METTL15: variants seen among roughly 807,000 people sequenced by gnomAD.
METTL15 encodes the protein methyltransferase 15, mitochondrial 12S rRNA N4-cytidine, also known as 12S rRNA N(4)-cytidine methyltransferase METTL15.
In METTL15, 34 loss-of-function variants were observed where a neutral mutation model predicts 38.3. The observed-to-expected ratio is 0.89, with a 90% CI of 0.68 to 1.18. METTL15 has a LOEUF of 1.18. Among genes scored for constraint, METTL15 ranks in the 50% most tolerant of loss-of-function variants. The pLI is 0.00. For synonymous variants in METTL15, 162 were observed against 170.9 expected, an observed-to-expected ratio of 0.95 and a Z score of 0.41; for missense variants, 438 against 498.4, an observed-to-expected ratio of 0.88 and a Z score of 1.15.
chr11:28,223,908 C>G (rs1397946868), intron 4 of METTL15, among the ~76,000 whole-genome samples: 1 of 151,974 alleles, frequency 6.6e-6, no homozygotes, highest in African/African-American at 2.4e-5. Context: ...TTTTAAAAAT[C>G]AAAGTTTTTT....
At chr11:28,305,212 A>G (rs916928694) in intron 6 of METTL15, among the ~76,000 whole-genome samples, 2 of 152,142 alleles carry the variant, frequency 1.3e-5, no homozygotes, top group Non-Finnish European at 1.5e-5. Flanking sequence ...TGGAATGTGG[A>G]AAAAAAGAAA....
intron 3 of METTL15, among the ~76,000 whole-genome samples, chr11:28,122,818 T>A (rs1260029744): frequency 6.6e-6 from 1 of 152,028 alleles, no homozygotes; most frequent in Non-Finnish European, 1.5e-5. Flanking sequence ...ACTTATTCAA[T>A]TATTTTTCCT....
chr11:28,153,970 C>G (rs888988175), intron 3 of METTL15, among the ~76,000 whole-genome samples: 1 of 152,110 alleles, frequency 6.6e-6, no homozygotes, highest in Non-Finnish European at 1.5e-5. Flanking sequence ...TATAAATTGA[C>G]TCATTTACAT....
chr11:28,500,251 G>A (rs1407566292), intron 6 of METTL15, among the ~76,000 whole-genome samples: 3 of 152,148 alleles, frequency 2.0e-5, no homozygotes, highest in Non-Finnish European at 4.4e-5. Context: ...TCTGATCTTG[G>A]TTTCAAGAGT....
At chr11:28,496,960 C>T (rs1176717348) in intron 6 of METTL15, among the ~76,000 whole-genome samples, 1 of 152,190 alleles carries the variant, frequency 6.6e-6, no homozygotes, top group Non-Finnish European at 1.5e-5. Flanking sequence ...TCAAGGGAGC[C>T]AGTGCCAGGC....
intron 3 of METTL15, among the ~76,000 whole-genome samples, chr11:28,177,591 A>G (rs998320964): frequency 2.6e-5 from 4 of 152,002 alleles, no homozygotes; most frequent in Admixed American, 2.0e-4. Context: ...AAATCAGAAT[A>G]TAGAACTCTG....
chr11:28,466,008 A>G (rs1564939144), intron 6 of METTL15, among the ~76,000 whole-genome samples: 1 of 152,196 alleles, frequency 6.6e-6, no homozygotes, highest in Non-Finnish European at 1.5e-5. Context: ...TCTTTCCTGT[A>G]TTAATTACAA....
At chr11:28,120,627 C>G (rs1852188603) in intron 3 of METTL15, among the ~76,000 whole-genome samples, 1 of 152,080 alleles carries the variant, frequency 6.6e-6, no homozygotes, top group Admixed American at 6.6e-5. Context: ...CTGCCTATTT[C>G]TTCAACTTCT....
intron 6 of METTL15, among the ~76,000 whole-genome samples, chr11:28,495,127 G>T (rs183428614): frequency 5.9e-5 from 9 of 152,246 alleles, no homozygotes; most frequent in Non-Finnish European, 1.2e-4. Flanking sequence ...GAGATTCAAA[G>T]TGAAAACAAC....
At chr11:28,237,403 A>G (rs1435419446) in intron 4 of METTL15, among the ~76,000 whole-genome samples, 2 of 151,992 alleles carry the variant, frequency 1.3e-5, no homozygotes, top group Non-Finnish European at 2.9e-5. Context: ...TTGGCTCTTG[A>G]GGCTTCTGCA....
intron 4 of METTL15, among the ~76,000 whole-genome samples, chr11:28,224,872 T>C (rs1159252338): frequency 1.3e-5 from 2 of 151,800 alleles, no homozygotes; most frequent in Non-Finnish European, 3.0e-5. Context: ...TATTGAACTT[T>C]TATAATTTCT....
At chr11:28,384,043 A>G (rs1470782368) in intron 5 of METTL15, among the ~76,000 whole-genome samples, 1 of 152,092 alleles carries the variant, frequency 6.6e-6, no homozygotes, top group Non-Finnish European at 1.5e-5. Flanking sequence ...TCCCACTTAT[A>G]AGTGAGAACA....
At chr11:28,227,826 A>C (rs1452230796) in intron 4 of METTL15, among the ~76,000 whole-genome samples, 1 of 151,914 alleles carries the variant, frequency 6.6e-6, no homozygotes, top group African/African-American at 2.4e-5. Context: ...AAGGCTAGGA[A>C]TTGCTGCTGT....
At chr11:28,379,926 T>A (rs1054079907) in intron 5 of METTL15, among the ~76,000 whole-genome samples, 4 of 152,228 alleles carry the variant, frequency 2.6e-5, no homozygotes, top group African/African-American at 9.6e-5. Flanking sequence ...AATTGTCATA[T>A]TCTCTTGCAG....
In METTL15 at chr11:28,294,839, T is replaced by C. The variant is rs749415300; in HGVS notation, c.600-1914T>C. On this transcript the variant is annotated intron_variant, in intron 5 of 6. Transcript: ENST00000407364. ...ATATAGAGTAAAATAAAATTATATG[T>C]ATTGTCCAATTATTTATTTAGAGTA... 3.3e-5 allele frequency among the ~76,000 whole-genome samples: 5 copies of C among 152,264 alleles called. No individual in the cohort carries two copies. In the South Asian group the frequency reaches 8.3e-4, roughly 25 times the overall value.
chr11:28,396,289 AGAG>A (rs1481775772), intron 5 of METTL15, among the ~76,000 whole-genome samples: 1 of 152,188 alleles, frequency 6.6e-6, no homozygotes, highest in African/African-American at 2.4e-5. Flanking sequence ...AATTAGGAAA[AGAG>A]GAAGTCAAAT....
At chr11:28,258,554 A>G (rs1855066664) in intron 4 of METTL15, among the ~76,000 whole-genome samples, 1 of 152,082 alleles carries the variant, frequency 6.6e-6, no homozygotes, top group East Asian at 1.9e-4. Context: ...CTGGTGTTTT[A>G]GTGTACCGTA....
chr11:28,241,994 G>A (rs1854320232), intron 4 of METTL15, among the ~76,000 whole-genome samples: 1 of 152,162 alleles, frequency 6.6e-6, no homozygotes, highest in Non-Finnish European at 1.5e-5. Context: ...TGTTTTAAAA[G>A]CATTATTCTG....
At chr11:28,277,859 A>G (rs184318234) in intron 4 of METTL15, among the ~76,000 whole-genome samples, 91 of 152,214 alleles carry the variant, frequency 6.0e-4, no homozygotes, top group Non-Finnish European at 1.0e-3. Context: ...GATCATATGG[A>G]GGTTGAGTGG....
Sources: allele counts gnomAD v4.1 joint callset (sites outside exome capture counted in the v4.1 genomes callset), GRCh38; gene constraint gnomAD v4.1.1; transcripts MANE v1.5; gene names NCBI Gene and HGNC (gene_info 2026-07-23, HGNC 2026-07-21).